Variants in HYAL3 observed in about 807,000 individuals in gnomAD.
HYAL3 encodes the protein hyaluronidase 3.
HYAL3 carries 25 observed loss-of-function variants against 29.6 expected under a neutral mutation model. The ratio of observed to expected loss-of-function variants is 0.85; its 90% CI spans 0.62 to 1.18. HYAL3 has a LOEUF of 1.18. Ranked by LOEUF, HYAL3 falls within the 50% of genes most tolerant of loss-of-function variation. HYAL3 has a pLI of 0.00. For missense variants in HYAL3, 442 were observed against 548.4 expected (o/e 0.81, Z 1.94); for synonymous variants, 215 against 218.3 (o/e 0.99, Z 0.13).
At chr3:50,296,999 G>A (rs782374395) in intron 1 of HYAL3, 2 of 1,560,914 alleles carry the variant, frequency 1.3e-6, no homozygotes, top group Non-Finnish European at 1.7e-6. Context: ...CCTCCATGAG[G>A]CGGCGGCCAA....
chr3:50,297,893 C>G lies in HYAL3; in HGVS notation c.-18+1320G>C. The G allele has an allele frequency of 9.9e-7, 1 of 1,006,476 alleles. No homozygotes were observed. Among genetic ancestry groups the G allele is most frequent in the Non-Finnish European group, 1.2e-6 (1 of 844,588 alleles). 62.3% of individuals were successfully genotyped at this position (1,006,476 alleles called of 1,614,324 possible). ...GTGTCTACCCCACATTGGAGGGAGG[C>G]TGGGAGTGATGGATGAGCTGCTTAA... On this transcript the variant is annotated intron_variant, in intron 1 of 3. Transcript: ENST00000336307. The surrounding 1 kb of genome is among the most constrained non-coding windows in gnomAD (Gnocchi z 4.3).
At chr3:50,299,101 T>A (rs1256072354) in intron 1 of HYAL3, 112 bp downstream of exon 1, 1 of 1,603,438 alleles carries the variant, frequency 6.2e-7, no homozygotes, top group East Asian at 2.3e-5. Context: ...CTCGGCATGG[T>A]CTGGAAACGA....
chr3:50,292,877 T>C lies in HYAL3; in HGVS notation c.*369A>G, dbSNP rs1054572471. 1.3e-6 allele frequency: 2 copies of C among 1,490,114 alleles called. No homozygotes were observed. Among genetic ancestry groups the C allele is most frequent in the African/African-American group, 2.8e-5 (2 of 72,594 alleles). 92.3% of individuals were successfully genotyped at this position (1,490,114 alleles called of 1,614,324 possible). On this transcript the variant is annotated 3_prime_UTR_variant, in exon 4 of 4. Coordinates refer to ENST00000336307, the MANE Select transcript of HYAL3 (RefSeq NM_003549.4). ...ATGATGAAAGAGTGCAGACAACAGC[T>C]TAGCACTTTACCGACCTTCGCCAAG...
Position 50,299,204 on chromosome 3 carries a change from G to C in HYAL3, c.-18+9C>G. On this transcript the variant is annotated intron_variant, in intron 1 of 3. Transcript: ENST00000336307. ...TACAGGCAGCAAATGGGAAGGGTGCGGTACTGACATGTTGATGCTGGCCTC... is the reference window on the plus strand; with the variant it reads ...TACAGGCAGCAAATGGGAAGGGTGCCGTACTGACATGTTGATGCTGGCCTC... The C allele has an allele frequency of 6.2e-7, 1 of 1,614,170 alleles. No individual in the cohort carries two copies. Among genetic ancestry groups the C allele is most frequent in the South Asian group, 1.1e-5 (1 of 91,086 alleles).
rs1701846342 is a variant in HYAL3, at chr3:50,296,551, C to CT, written c.-17-933dup. The CT allele has an allele frequency of 3.8e-6, 6 of 1,576,068 alleles. No homozygotes were observed. In the South Asian group the frequency reaches 5.7e-5, roughly 15 times the overall value. On this transcript the variant is annotated intron_variant, in intron 1 of 3. Transcript: ENST00000336307. ...TGGTCAGTGGGCTGAGGCTTGTAGA[C>CT]TGTCGGGGCAGTCTATTGAACCAGA...
chr3:50,293,369 G>A lies in HYAL3; in HGVS notation c.1131C>T (p.Ala377=). 1 of 1,613,584 alleles carries A rather than the reference G, an allele frequency of 6.2e-7. No homozygotes were observed. Among genetic ancestry groups the A allele is most frequent in the Non-Finnish European group, 8.5e-7 (1 of 1,180,032 alleles). Residue 377 remains alanine, a synonymous_variant, in exon 4 of 4, where the codon GCC becomes GCT. Transcript: ENST00000336307. ...CARRDPGQME[A]FLHLWPDGSL... ...TGCCGTCTGGCCACAGGTGTAGAAA[G>A]GCTTCCATCTGTCCTGGATCTCGCC... is the stretch of plus-strand genomic sequence containing the variant.
chr3:50,297,717 G>A lies in HYAL3; in HGVS notation c.-18+1496C>T, dbSNP rs1701910814. On this transcript the variant is annotated intron_variant, in intron 1 of 3. Coordinates refer to ENST00000336307, the MANE Select transcript of HYAL3 (RefSeq NM_003549.4). This position sits in a 1 kb window ranked among gnomAD's most constrained non-coding sequence, Gnocchi z 4.3. Reference sequence around the variant, plus strand: ...TGGGCTGTGCCAGGAGGGAGGGTGGGGTTGGAGCAGGGAAGGGCTGACAGA... The same window carrying A: ...TGGGCTGTGCCAGGAGGGAGGGTGGAGTTGGAGCAGGGAAGGGCTGACAGA... The A allele has an allele frequency of 2.9e-6, 4 of 1,363,174 alleles. No individual in the cohort carries two copies. Among genetic ancestry groups the A allele is most frequent in the Non-Finnish European group, 3.8e-6 (4 of 1,062,730 alleles). The allele number at this position is 1,363,174 out of a possible 1,614,324, so 84.4% of individuals were successfully genotyped here.
rs1701712030 is a variant in HYAL3 at position 50,292,880 on chromosome 3, G to A, written c.*366C>T. The A allele has an allele frequency of 1.3e-6, 2 of 1,491,198 alleles. No homozygotes were observed. The highest frequency in any genetic ancestry group is 1.8e-4 in the Middle Eastern group (1 of 5,570). The allele number at this position is 1,491,198 out of a possible 1,614,324, so 92.4% of individuals were successfully genotyped here. A position where few individuals can be genotyped will look rare whatever the true frequency, so the allele number is the denominator to read the frequency against. ...ATGAAAGAGTGCAGACAACAGCTTA[G>A]CACTTTACCGACCTTCGCCAAGATT... On this transcript the variant is annotated 3_prime_UTR_variant, in exon 4 of 4. Coordinates refer to ENST00000336307, the MANE Select transcript of HYAL3 (RefSeq NM_003549.4).
In HYAL3 at chr3:50,297,563, G is replaced by A. The variant is rs1421921185; in HGVS notation, c.-18+1650C>T. ...GATCCAGGTTCAGCTGAGTCAGGCT[G>A]GGAGCCAAGGTCACCTGCTGCTAGG... On this transcript the variant is annotated intron_variant, in intron 1 of 3. Transcript: ENST00000336307. This position sits in a 1 kb window ranked among gnomAD's most constrained non-coding sequence, Gnocchi z 4.3. The A allele has an allele frequency of 6.7e-7, 1 of 1,498,556 alleles. No individual in the cohort carries two copies. Among genetic ancestry groups the A allele is most frequent in the Admixed American group, 2.3e-5 (1 of 43,168 alleles). The allele number at this position is 1,498,556 out of a possible 1,614,324, so 92.8% of individuals were successfully genotyped here. A position where few individuals can be genotyped will look rare whatever the true frequency, so the allele number is the denominator to read the frequency against.
In HYAL3 at chr3:50,293,375, C is replaced by T; in HGVS notation, c.1125G>A (p.Met375Ile). Residue 375 changes from methionine to isoleucine, a missense_variant, in exon 4 of 4, where the codon ATG becomes ATA. Transcript: ENST00000336307. Reference protein sequence around the residue: ...GRCARRDPGQMEAFLHLWPDG... With the variant: ...GRCARRDPGQIEAFLHLWPDG... ...CTGGCCACAGGTGTAGAAAGGCTTC[C>T]ATCTGTCCTGGATCTCGCCGGGCAC... The T allele has an allele frequency of 6.2e-7, 1 of 1,613,622 alleles. No individual in the cohort carries two copies. Among genetic ancestry groups the T allele is most frequent in the Non-Finnish European group, 8.5e-7 (1 of 1,180,040 alleles).
intron 1 of HYAL3, chr3:50,298,775 C>A: frequency 3.7e-6 from 4 of 1,067,688 alleles, no homozygotes; most frequent in Non-Finnish European, 4.6e-6. Context: ...CAGGCACCCC[C>A]CTCCCCTCAC....
Position 50,293,738 on chromosome 3 carries a change from G to C in HYAL3, c.895-17C>G, listed in dbSNP as rs782335398. Reference sequence around the variant, plus strand: ...AAGGTCATCCTGGAGGCAGAGAGCTGCTAAGCCAGTGCTGGGCTGGCCAGA... The same window carrying C: ...AAGGTCATCCTGGAGGCAGAGAGCTCCTAAGCCAGTGCTGGGCTGGCCAGA... On this transcript the variant is annotated splice_polypyrimidine_tract_variant and intron_variant, in intron 2 of 3. Coordinates refer to ENST00000336307, the MANE Select transcript of HYAL3 (RefSeq NM_003549.4). 8.7e-6 allele frequency: 14 copies of C among 1,611,506 alleles called. No homozygotes were observed. The highest frequency in any genetic ancestry group is 1.2e-5 in the Non-Finnish European group (14 of 1,178,236).
At chr3:50,294,620 C>A (rs1701768257) in intron 2 of HYAL3, 89 bp downstream of exon 2, 1 of 1,199,448 alleles carries the variant, frequency 8.3e-7, no homozygotes, top group Non-Finnish European at 1.1e-6. Context: ...AGATTAGGAC[C>A]AACCCCTAGG....
chr3:50,297,537 G>A lies in HYAL3; in HGVS notation c.-18+1676C>T. On this transcript the variant is annotated intron_variant, in intron 1 of 3. Transcript: ENST00000336307. This position sits in a 1 kb window ranked among gnomAD's most constrained non-coding sequence, Gnocchi z 4.3. ...CAGAGTCAGCTCTTGCCTATGCACA[G>A]GATCCAGGTTCAGCTGAGTCAGGCT... 6.6e-7 allele frequency: 1 copy of A among 1,512,274 alleles called. No individual in the cohort carries two copies. Among genetic ancestry groups the A allele is most frequent in the African/African-American group, 1.4e-5 (1 of 71,848 alleles). The allele number at this position is 1,512,274 out of a possible 1,614,324, so 93.7% of individuals were successfully genotyped here.
At position 50,295,207 on chromosome 3, in the gene HYAL3, ACAC is replaced by A. The variant is rs1553710857; in HGVS notation, c.393_395del (p.Trp131del). The A allele has an allele frequency of 1.2e-6, 2 of 1,613,498 alleles. No homozygotes were observed. Among genetic ancestry groups the A allele is most frequent in the African/African-American group, 1.3e-5 (1 of 75,042 alleles). On this transcript the variant is annotated inframe_deletion, in exon 2 of 4. Transcript: ENST00000336307. ...GGCCCCAGTTCCCAGCCCAGAGTGG[ACAC>A]CACTCCTCCCAATCCAGCACTGCTG...
At position 50,293,296 on chromosome 3, in the gene HYAL3, C is replaced by T. The variant is rs782193328; in HGVS notation, c.1204G>A (p.Ala402Thr). The T allele has an allele frequency of 6.8e-6, 11 of 1,613,296 alleles. No individual in the cohort carries two copies. In the South Asian group the frequency reaches 1.2e-4, roughly 18 times the overall value. The stretch of plus-strand genomic sequence containing the variant: ...CTGGGCTCCTGGCAGGTGGGGCCAG[C>T]CCAGCCCCAGTAACAGTGGCAGCTG... ...SFSCHCYWGW[A>T]GPTCQEPRPG... Residue 402 changes from alanine (A) to threonine (T), a missense_variant, in exon 4 of 4, where the codon GCT becomes ACT. Physicochemically the swap from Ala to Thr is moderately conservative, Grantham distance 58 (BLOSUM62 0). Coordinates refer to ENST00000336307, the MANE Select transcript of HYAL3 (RefSeq NM_003549.4).
Position 50,297,023 on chromosome 3 carries a change from C to G in HYAL3, c.-17-1404G>C, listed in dbSNP as rs1553711349. ...GGCGGCGGCCAAAGCCACGGCCCCT[C>G]AGGGCCCGGGCCACCACCACTGTCT... On this transcript the variant is annotated intron_variant, in intron 1 of 3. Transcript: ENST00000336307. This position sits in a 1 kb window ranked among gnomAD's most constrained non-coding sequence, Gnocchi z 4.3. 1 of 1,544,212 alleles carries G rather than the reference C, an allele frequency of 6.5e-7. No homozygotes were observed. The highest frequency in any genetic ancestry group is 8.7e-7 in the Non-Finnish European group (1 of 1,149,128).
Position 50,299,356 on chromosome 3 carries a change from G to A in HYAL3, c.-161C>T. On this transcript the variant is annotated 5_prime_UTR_variant, in exon 1 of 4. Coordinates refer to ENST00000336307, the MANE Select transcript of HYAL3 (RefSeq NM_003549.4). ...TGTTCTGCAGCCGTCGCGTCCTGCG[G>A]CACGCCACGGCGTTCTAAGGCCTCC... The A allele has an allele frequency of 1.3e-6, 2 of 1,547,916 alleles. No homozygotes were observed. The highest frequency in any genetic ancestry group is 2.4e-5 in the East Asian group (1 of 41,646).
Position 50,297,099 on chromosome 3 carries a change from CCCA to C in HYAL3, c.-17-1483_-17-1481del, listed in dbSNP as rs782322924. On this transcript the variant is annotated intron_variant, in intron 1 of 3. Coordinates refer to ENST00000336307, the MANE Select transcript of HYAL3 (RefSeq NM_003549.4). The surrounding 1 kb of genome is among the most constrained non-coding windows in gnomAD (Gnocchi z 4.3). Reference sequence around the variant, plus strand: ...CAGCACCCGTGACAGGCGGGCATGGCCCACCACAACGGGTGCTGCTTCAAGTGT... The same window carrying C: ...CAGCACCCGTGACAGGCGGGCATGGCCCACAACGGGTGCTGCTTCAAGTGT... 13 of 1,548,780 alleles carry C rather than the reference CCCA, an allele frequency of 8.4e-6. No homozygotes were observed. The highest frequency in any genetic ancestry group is 1.0e-5 in the Non-Finnish European group (12 of 1,146,482).
Sources: gnomAD v4.1 joint callset for allele counts on GRCh38, gnomAD v4.1.1 for gene constraint, Gnocchi (gnomAD v3.1) non-coding constraint, MANE v1.5 for transcripts, NCBI Gene and HGNC (gene_info 2026-07-23, HGNC 2026-07-21) for gene names.